The following RIMS2 variants were observed in gnomAD, a reference collection of about 807,000 sequenced individuals.
The protein encoded by RIMS2 is regulating synaptic membrane exocytosis protein 2.
Under a neutral mutation model 174.4 loss-of-function variants are expected in RIMS2, and 59 were observed. The ratio of observed to expected loss-of-function variants is 0.34; its 90% confidence interval spans 0.27 to 0.42. The LOEUF is 0.42. Ranked by LOEUF, RIMS2 falls within the 10% of genes least tolerant of loss-of-function variation. The pLI is 1.00. For synonymous variants in RIMS2, 606 were observed against 572.5 expected (o/e 1.06, Z -0.84); for missense variants, 1,620 against 1,666.3 (o/e 0.97, Z 0.48).
rs1320784424 is a variant in RIMS2, at chr8:104,015,383, T to G, written c.3334+768T>G. On this transcript the variant is annotated intron_variant, in intron 19 of 23. Transcript: ENST00000504942. ...TGCTTTGGTTCCCTTTTTGTTTGTTTGTTTTTGTTCTGTTTTTTGTTTTTA... is the reference window on the plus strand; with the variant it reads ...TGCTTTGGTTCCCTTTTTGTTTGTTGGTTTTTGTTCTGTTTTTTGTTTTTA... The G allele has an allele frequency of 6.0e-6, 4 of 670,434 alleles. No homozygotes were observed. In the Admixed American group the frequency reaches 9.3e-5, roughly 16 times the overall value. The allele number at this position is 670,434 out of a possible 1,614,324, so 41.5% of individuals were successfully genotyped here.
At position 103,757,205 on chromosome 8, in the gene RIMS2, C is replaced by T. The variant is rs146144371; in HGVS notation, c.388-9022C>T. ...AGGATATAGAGGTTTTGTAGATATC[C>T]TTTATTAGGTTAAAGCATTGCTAAT... On this transcript the variant is annotated intron_variant, in intron 2 of 23. Coordinates refer to ENST00000504942, the Ensembl canonical transcript of RIMS2. 3.1e-3 allele frequency among the ~76,000 whole-genome samples: 471 copies of T among 151,982 alleles called. 2 individuals carry two copies. Among genetic ancestry groups the T allele is most frequent in the African/African-American group, 8.8e-3 (365 of 41,454 alleles).
At position 103,502,652 on chromosome 8, in the gene RIMS2, C is replaced by A. The variant is rs994509175; in HGVS notation, c.176+1590C>A. Reference sequence around the variant, plus strand: ...CTGTGCTTAACTTTTTTTTTGTATACTAACAATGCCAAGCTTTTGATGACT... The same window carrying A: ...CTGTGCTTAACTTTTTTTTTGTATAATAACAATGCCAAGCTTTTGATGACT... On this transcript the variant is annotated intron_variant, in intron 1 of 23. Transcript: ENST00000504942. 3.3e-5 allele frequency among the ~76,000 whole-genome samples: 5 copies of A among 151,828 alleles called. No individual in the cohort carries two copies. In the East Asian group the frequency reaches 9.6e-4, roughly 29 times the overall value.
chr8:103,883,125 A>G (rs1375177027), intron 3 of RIMS2, among the ~76,000 whole-genome samples: 2 of 151,708 alleles, frequency 1.3e-5, no homozygotes, highest in Non-Finnish European at 3.0e-5. Context: ...TGTCTTAATC[A>G]TTTCTGCATT....
chr8:103,659,727 G>T (rs2096574117), intron 1 of RIMS2, among the ~76,000 whole-genome samples: 1 of 152,212 alleles, frequency 6.6e-6, no homozygotes, highest in Non-Finnish European at 1.5e-5. Flanking sequence ...TGGTGGTGCA[G>T]AAAGGCTGGT....
chr8:103,527,911 C>A (rs189626823), intron 1 of RIMS2, among the ~76,000 whole-genome samples: 1 of 152,074 alleles, frequency 6.6e-6, no homozygotes, highest in South Asian at 2.1e-4. Flanking sequence ...TACCCAGTAA[C>A]GGGATGACTG....
chr8:104,058,581 C>T (rs1375821110), intron 19 of RIMS2, among the ~76,000 whole-genome samples: 5 of 150,778 alleles, frequency 3.3e-5, no homozygotes, highest in African/African-American at 7.3e-5. Context: ...AATTAGATCC[C>T]ATTTGTCAAT....
chr8:103,730,922 T>C (rs550214495), intron 2 of RIMS2, among the ~76,000 whole-genome samples: 12 of 152,342 alleles, frequency 7.9e-5, no homozygotes, highest in Admixed American at 2.6e-4. Context: ...AGAGGTTTAA[T>C]TGACTCACAG....
chr8:103,912,564 A>C (rs1184022057), intron 6 of RIMS2, among the ~76,000 whole-genome samples: 1 of 152,176 alleles, frequency 6.6e-6, no homozygotes, highest in Non-Finnish European at 1.5e-5. Context: ...TAATATGTAT[A>C]TATATGTATA....
At position 104,217,478 on chromosome 8, in the gene RIMS2, A is replaced by G. The variant is rs988743053; in HGVS notation, c.3335-27438A>G. On this transcript the variant is annotated intron_variant, in intron 19 of 23. Coordinates refer to ENST00000504942, the Ensembl canonical transcript of RIMS2. ...GAGATAAGGTTTCACCTTGTTGCCC[A>G]GACTGGTCTTGAGCTCCTGAGCTCA... Among the ~76,000 whole-genome samples the G allele has an allele frequency of 2.6e-5, 4 of 152,288 alleles. No individual in the cohort carries two copies. In the South Asian group the frequency reaches 6.2e-4, roughly 24 times the overall value.
chr8:104,077,313 A>G (rs2097314740), intron 19 of RIMS2, among the ~76,000 whole-genome samples: 1 of 152,068 alleles, frequency 6.6e-6, no homozygotes, highest in Non-Finnish European at 1.5e-5. Context: ...ACTTCCACTT[A>G]CCAAAGCCCT....
rs1386677121 is a variant in RIMS2, at chr8:103,613,113, G to T, written c.177-83973G>T. On this transcript the variant is annotated intron_variant, in intron 1 of 23. Coordinates refer to ENST00000504942, the Ensembl canonical transcript of RIMS2. The stretch of plus-strand genomic sequence containing the variant: ...AGATGGTAAAGGCAGACAGGTTTGG[G>T]TCCTTTCCTTCAGGGTGGTGCATTT... 3.9e-5 allele frequency among the ~76,000 whole-genome samples: 6 copies of T among 152,338 alleles called. No individual in the cohort carries two copies. The East Asian group carries it at 1.2e-3, about 29-fold the overall frequency.
chr8:104,251,626 C>T (rs775205197), exon 24 of RIMS2: 12 of 1,604,236 alleles, frequency 7.5e-6, no homozygotes, highest in South Asian at 1.1e-5. Flanking sequence ...AGATTATGGC[C>T]GCATGGATCA....
At chr8:104,158,788 G>C (rs912082052) in intron 19 of RIMS2, among the ~76,000 whole-genome samples, 2 of 152,078 alleles carry the variant, frequency 1.3e-5, no homozygotes, top group African/African-American at 4.8e-5. Flanking sequence ...GTAGATTCTG[G>C]ATATTAACCC....
intron 15 of RIMS2, among the ~76,000 whole-genome samples, chr8:103,967,602 G>T (rs910832372): frequency 2.2e-4 from 33 of 152,006 alleles, no homozygotes; most frequent in African/African-American, 7.7e-4. Context: ...AAGCAGATCT[G>T]TTCATTTCTG....
chr8:103,912,056 C>G (rs1278863805), exon 6 of RIMS2: 1 of 1,580,748 alleles, frequency 6.3e-7, no homozygotes, highest in Admixed American at 1.7e-5. Context: ...ATGTCAGCAC[C>G]CTGTAACCTG....
At position 103,703,723 on chromosome 8, in the gene RIMS2, T is replaced by C. The variant is rs574278296; in HGVS notation, c.387+6427T>C. On this transcript the variant is annotated intron_variant, in intron 2 of 23. Coordinates refer to ENST00000504942, the Ensembl canonical transcript of RIMS2. ...TCTTTCTCTTCTTTAGTTAAGTTTA[T>C]TCCTAGGTATTTTATTTTATTTTTG... is the stretch of plus-strand genomic sequence containing the variant. Among the ~76,000 whole-genome samples, 8 of 152,318 alleles carry C rather than the reference T, an allele frequency of 5.3e-5. No individual in the cohort carries two copies. The East Asian group carries it at 1.3e-3, about 26-fold the overall frequency.
At chr8:103,735,393 T>C (rs2097673006) in intron 2 of RIMS2, among the ~76,000 whole-genome samples, 1 of 152,204 alleles carries the variant, frequency 6.6e-6, no homozygotes, top group Admixed American at 6.5e-5. Context: ...TTTTATTTCA[T>C]ATATGTTTAA....
At chr8:104,056,902 T>A (rs2096878426) in intron 19 of RIMS2, among the ~76,000 whole-genome samples, 1 of 151,878 alleles carries the variant, frequency 6.6e-6, no homozygotes, top group African/African-American at 2.4e-5. Flanking sequence ...GAAAAAAAAG[T>A]TTTTATTTAA....
At chr8:103,685,424 C>T (rs2136883657) in intron 1 of RIMS2, among the ~76,000 whole-genome samples, 1 of 152,192 alleles carries the variant, frequency 6.6e-6, no homozygotes, top group Admixed American at 6.6e-5. Flanking sequence ...GAGGAGAGCA[C>T]CAAGCCATTT....
Sources: allele counts gnomAD v4.1 joint callset (sites outside exome capture counted in the v4.1 genomes callset), GRCh38; gene constraint gnomAD v4.1.1; transcripts MANE v1.5; gene names NCBI Gene and HGNC (gene_info 2026-07-23, HGNC 2026-07-21).